CERKL: variants seen among roughly 807,000 people sequenced by gnomAD.
CERKL encodes the protein CERK like autophagy regulator.
Under a neutral mutation model 63.4 loss-of-function variants are expected in CERKL, and 61 were observed. The observed-to-expected ratio is 0.96, with a 90% CI of 0.78 to 1.19. CERKL has a LOEUF of 1.19. CERKL is among the 50% of genes most tolerant of loss of function. The pLI is 0.00. For synonymous variants in CERKL, 250 were observed against 230.5 expected (o/e 1.08, Z -0.77); for missense variants, 675 against 655.5 (o/e 1.03, Z -0.33).
rs5836800 is a variant in CERKL at position 181,572,780 on chromosome 2, C to CTTTTTTTTT, written c.613+964_613+972dup. Among the ~76,000 whole-genome samples the CTTTTTTTTT allele has an allele frequency of 4.0e-4, 52 of 131,186 alleles. 1 individual carries two copies. The highest frequency in any genetic ancestry group is 9.4e-4 in the South Asian group (4 of 4,254). The allele number at this position is 131,186 out of a possible 152,430, so 86.1% of individuals were successfully genotyped here. The stretch of plus-strand genomic sequence containing the variant: ...GGGGCTGACCTTCCTACAAAACTTG[C>CTTTTTTTTT]TTTTTTTTTTTTTTTGAACTTTCTT... On this transcript the variant is annotated intron_variant, in intron 3 of 12. Transcript: ENST00000410087.
chr2:181,612,173 G>A (rs1439481280), intron 1 of CERKL, among the ~76,000 whole-genome samples: 1 of 152,172 alleles, frequency 6.6e-6, no homozygotes, highest in Admixed American at 6.5e-5. Context: ...TTGAATCCAA[G>A]CATTTTGGAT....
intron 1 of CERKL, among the ~76,000 whole-genome samples, chr2:181,637,328 TAA>T (rs1687222821): frequency 1.3e-5 from 2 of 152,098 alleles, no homozygotes; most frequent in Admixed American, 6.6e-5. Context: ...AAACGGAAAG[TAA>T]AGTTTTTTAT....
intron 1 of CERKL, among the ~76,000 whole-genome samples, chr2:181,635,342 A>G (rs960238634): frequency 7.9e-5 from 12 of 152,192 alleles, no homozygotes; most frequent in African/African-American, 2.7e-4. Flanking sequence ...AAAAATAAAA[A>G]TAACTTTTAG....
intron 2 of CERKL, among the ~76,000 whole-genome samples, chr2:181,600,158 G>C (rs2105888959): frequency 6.6e-6 from 1 of 152,284 alleles, no homozygotes; most frequent in South Asian, 2.1e-4. Flanking sequence ...AAAACACTAA[G>C]GGAATTTGTT....
At chr2:181,541,678 G>A (rs1687512990) in intron 11 of CERKL, among the ~76,000 whole-genome samples, 1 of 152,224 alleles carries the variant, frequency 6.6e-6, no homozygotes, top group Non-Finnish European at 1.5e-5. Context: ...GGAGGCTACT[G>A]TAAGCAAGAA....
rs1331020213 is a variant in CERKL, at chr2:181,589,194, A to G, written c.481+14643T>C. The stretch of plus-strand genomic sequence containing the variant: ...TTTCTATTGGTGTATCCTTTCTACC[A>G]TATTAAGAACTGTGGCTCCCAACAA... On this transcript the variant is annotated intron_variant, in intron 2 of 12. Transcript: ENST00000410087. Among the ~76,000 whole-genome samples, 3 of 152,326 alleles carry G rather than the reference A, an allele frequency of 2.0e-5. No homozygotes were observed. In the South Asian group the frequency reaches 6.2e-4, roughly 32 times the overall value.
chr2:181,603,741 A>G, intron 2 of CERKL, 96 bp downstream of exon 2: 1 of 1,230,092 alleles, frequency 8.1e-7, no homozygotes, highest in African/African-American at 1.5e-5. Flanking sequence ...AACTATCTCA[A>G]CATCACTAAA....
intron 1 of CERKL, among the ~76,000 whole-genome samples, chr2:181,653,697 A>G (rs1199016343): frequency 6.6e-6 from 1 of 152,202 alleles, no homozygotes; most frequent in Non-Finnish European, 1.5e-5. Context: ...TTTCTATTAT[A>G]AAAGGTTGAT....
At chr2:181,603,550 T>C (rs1049576039) in intron 2 of CERKL, among the ~76,000 whole-genome samples, 1 of 152,174 alleles carries the variant, frequency 6.6e-6, no homozygotes, top group Non-Finnish European at 1.5e-5. Context: ...TAAAAGATTA[T>C]ACACCATGGC....
At chr2:181,598,547 C>T (rs1330314490) in intron 2 of CERKL, among the ~76,000 whole-genome samples, 2 of 152,084 alleles carry the variant, frequency 1.3e-5, no homozygotes, top group African/African-American at 4.8e-5. Flanking sequence ...TTCTACTGGA[C>T]ATCAGCCTAA....
chr2:181,603,491 T>C (rs1314699764), intron 2 of CERKL, among the ~76,000 whole-genome samples: 2 of 152,164 alleles, frequency 1.3e-5, no homozygotes, highest in Admixed American at 6.5e-5. Context: ...TGAATATTGA[T>C]GCAAACATAC....
At chr2:181,656,728 A>C in intron 1 of CERKL, 41 bp downstream of exon 1, 8 of 1,485,190 alleles carry the variant, frequency 5.4e-6, no homozygotes, top group African/African-American at 1.4e-5. Flanking sequence ...AGAGGGAGGA[A>C]GCGCGGAGGG....
chr2:181,606,984 T>G (rs1685745533), intron 1 of CERKL, among the ~76,000 whole-genome samples: 1 of 152,194 alleles, frequency 6.6e-6, no homozygotes, highest in African/African-American at 2.4e-5. Flanking sequence ...CAGGCCCCAC[T>G]GTGCACCCTT....
intron 1 of CERKL, among the ~76,000 whole-genome samples, chr2:181,620,148 G>A (rs1031470524): frequency 2.0e-5 from 3 of 152,188 alleles, no homozygotes; most frequent in Non-Finnish European, 4.4e-5. Context: ...GGAACAGGAT[G>A]AGATGTAAAC....
chr2:181,553,162 A>G (rs1443470364), intron 5 of CERKL, among the ~76,000 whole-genome samples: 2 of 152,200 alleles, frequency 1.3e-5, no homozygotes, highest in Admixed American at 1.3e-4. Context: ...TTTGAGAACA[A>G]GTAGTGTAGA....
intron 1 of CERKL, among the ~76,000 whole-genome samples, chr2:181,630,672 G>A (rs889449143): frequency 6.6e-6 from 1 of 152,098 alleles, no homozygotes; most frequent in African/African-American, 2.4e-5. Context: ...CAACCCCAAT[G>A]GCACCTTGAT....
At chr2:181,561,257 A>G (rs1688426653) in intron 4 of CERKL, among the ~76,000 whole-genome samples, 1 of 152,098 alleles carries the variant, frequency 6.6e-6, no homozygotes, top group Admixed American at 6.5e-5. Context: ...AAAGAAACAA[A>G]AAATTAGCTG....
At chr2:181,614,125 C>T (rs1045726875) in intron 1 of CERKL, among the ~76,000 whole-genome samples, 9 of 98,052 alleles carry the variant, frequency 9.2e-5, no homozygotes, top group African/African-American at 4.6e-4. Flanking sequence ...TCTGTGGGGT[C>T]GCAGGCCACT....
chr2:181,539,864 T>C (rs1396389257), intron 11 of CERKL, among the ~76,000 whole-genome samples: 1 of 152,244 alleles, frequency 6.6e-6, no homozygotes, highest in African/African-American at 2.4e-5. Context: ...CTTGCGTTTT[T>C]TCTTGTTTGC....
Sources: gnomAD v4.1 joint callset for allele counts (sites outside exome capture counted in the v4.1 genomes callset) on GRCh38, gnomAD v4.1.1 for gene constraint, MANE v1.5 for transcripts, NCBI Gene and HGNC (gene_info 2026-07-23, HGNC 2026-07-21) for gene names.